Variants in PTPRD observed in about 807,000 individuals in gnomAD.
PTPRD encodes receptor-type tyrosine-protein phosphatase delta.
Under a neutral mutation model 214.5 loss-of-function variants are expected in PTPRD, and 34 were observed. The ratio of observed to expected loss-of-function variants is 0.16; its 90% CI spans 0.12 to 0.21. The LOEUF (loss-of-function observed/expected upper bound fraction) is 0.21. PTPRD is among the 10% of genes least tolerant of loss of function. The pLI is 1.00. For synonymous variants in PTPRD, 1,128 were observed against 845.7 expected, an observed-to-expected ratio of 1.33 and a Z score of -5.79; for missense variants, 2,545 against 2,398.7, an observed-to-expected ratio of 1.06 and a Z score of -1.27.
At chr9:8,696,664 T>TA (rs1377707354) in intron 12 of PTPRD, among the ~76,000 whole-genome samples, 5 of 152,058 alleles carry the variant, frequency 3.3e-5, no homozygotes, top group Admixed American at 6.5e-5. Context: ...TCAAGAGAAT[T>TA]AAAATGTCGT....
chr9:8,865,542 C>T (rs777932915), intron 11 of PTPRD, among the ~76,000 whole-genome samples: 1 of 152,104 alleles, frequency 6.6e-6, no homozygotes, highest in Admixed American at 6.6e-5. Context: ...TTCCCCTGCT[C>T]CTGGGCTCTC....
intron 7 of PTPRD, among the ~76,000 whole-genome samples, chr9:9,590,289 C>A (rs2092587649): frequency 6.6e-6 from 1 of 151,970 alleles, no homozygotes; most frequent in Non-Finnish European, 1.5e-5. Flanking sequence ...TCACAGGCAG[C>A]AATCTTTGCT....
intron 5 of PTPRD, among the ~76,000 whole-genome samples, chr9:9,903,956 A>C (rs1601603264): frequency 6.6e-6 from 1 of 152,148 alleles, no homozygotes; most frequent in East Asian, 1.9e-4. Flanking sequence ...CAGTAATAGT[A>C]ACATTAACCT....
intron 11 of PTPRD, chr9:8,857,604 C>G (rs1219060993): frequency 2.6e-5 from 4 of 153,208 alleles, no homozygotes; most frequent in South Asian, 1.8e-4. Flanking sequence ...GGGAAGACAC[C>G]GCGGGGCGGA....
chr9:8,957,155 G>T (rs1221590354), intron 11 of PTPRD, among the ~76,000 whole-genome samples: 1 of 151,680 alleles, frequency 6.6e-6, no homozygotes, highest in Non-Finnish European at 1.5e-5. Context: ...CTCTCTCCTG[G>T]CTAGGTTTCA....
intron 21 of PTPRD, among the ~76,000 whole-genome samples, chr9:8,509,505 A>G (rs2097628493): frequency 6.6e-6 from 1 of 152,184 alleles, no homozygotes; most frequent in Non-Finnish European, 1.5e-5. Flanking sequence ...ACCAAACCGG[A>G]CTACAGTATG....
At chr9:9,223,398 C>G (rs1414631736) in intron 9 of PTPRD, among the ~76,000 whole-genome samples, 1 of 151,970 alleles carries the variant, frequency 6.6e-6, no homozygotes, top group Non-Finnish European at 1.5e-5. Context: ...ATGAATTCCA[C>G]ACTTTAGAAT....
chr9:10,557,606 C>G (rs190816067), intron 2 of PTPRD, among the ~76,000 whole-genome samples: 1 of 152,252 alleles, frequency 6.6e-6, no homozygotes, highest in African/African-American at 2.4e-5. Flanking sequence ...GCTTCCAAAA[C>G]TTTGAGTATA....
intron 4 of PTPRD, among the ~76,000 whole-genome samples, chr9:9,987,782 T>C (rs1193771179): frequency 6.6e-6 from 1 of 152,182 alleles, no homozygotes; most frequent in Non-Finnish European, 1.5e-5. Context: ...AGCATAGTAA[T>C]GTATGGAATA....
At chr9:10,248,874 T>G (rs2092493932) in intron 3 of PTPRD, among the ~76,000 whole-genome samples, 1 of 93,168 alleles carries the variant, frequency 1.1e-5, no homozygotes, top group South Asian at 3.9e-4. Context: ...AGGTGATATT[T>G]TATCTTTTTT....
chr9:9,621,598 G>A (rs889416349), intron 7 of PTPRD, among the ~76,000 whole-genome samples: 19 of 152,166 alleles, frequency 1.2e-4, no homozygotes, highest in Non-Finnish European at 2.5e-4. Context: ...AAGCCCATGA[G>A]TCATAATCAT....
intron 3 of PTPRD, among the ~76,000 whole-genome samples, chr9:10,215,326 A>G (rs1180139190): frequency 6.6e-6 from 1 of 152,050 alleles, no homozygotes; most frequent in Admixed American, 6.6e-5. Flanking sequence ...TAATTAAATG[A>G]TAAACTGAAT....
At chr9:8,356,256 T>C (rs894771306) in intron 39 of PTPRD, among the ~76,000 whole-genome samples, 1 of 152,068 alleles carries the variant, frequency 6.6e-6, no homozygotes, top group African/African-American at 2.4e-5. Context: ...TCAGATACCA[T>C]GTAATAAGAC....
intron 10 of PTPRD, among the ~76,000 whole-genome samples, chr9:9,029,093 C>T (rs1370310433): frequency 6.6e-6 from 1 of 151,716 alleles, no homozygotes; most frequent in Non-Finnish European, 1.5e-5. Context: ...TCATATTAGT[C>T]ATTATTATCT....
intron 5 of PTPRD, among the ~76,000 whole-genome samples, chr9:9,892,859 T>C (rs890394548): frequency 1.3e-5 from 2 of 152,004 alleles, no homozygotes; most frequent in Non-Finnish European, 2.9e-5. Context: ...GTACTGGTTA[T>C]AGTACATAAG....
intron 9 of PTPRD, among the ~76,000 whole-genome samples, chr9:9,323,801 C>T (rs1006760431): frequency 7.2e-5 from 11 of 152,122 alleles, no homozygotes; most frequent in African/African-American, 2.7e-4. Context: ...ATTAACTCGT[C>T]ATTTACATTA....
chr9:8,472,998 G>A (rs1465936410), intron 30 of PTPRD, among the ~76,000 whole-genome samples: 1 of 152,194 alleles, frequency 6.6e-6, no homozygotes, highest in African/African-American at 2.4e-5. Flanking sequence ...TGTGTGGCAT[G>A]TAGCAGTAAA....
chr9:8,380,957 G>A (rs984199723), intron 37 of PTPRD, among the ~76,000 whole-genome samples: 1 of 152,118 alleles, frequency 6.6e-6, no homozygotes, highest in African/African-American at 2.4e-5. Flanking sequence ...TGGCAACATG[G>A]CAAGGCATCA....
chr9:9,163,931 CTTA>C (rs1313812090), intron 10 of PTPRD, among the ~76,000 whole-genome samples: 2 of 152,128 alleles, frequency 1.3e-5, no homozygotes, highest in African/African-American at 4.8e-5. Flanking sequence ...TCCTTCAAGT[CTTA>C]TGTTACATAT....
Sources: allele counts gnomAD v4.1 joint callset (sites outside exome capture counted in the v4.1 genomes callset), GRCh38; gene constraint gnomAD v4.1.1; transcripts MANE v1.5; gene names NCBI Gene and HGNC (gene_info 2026-07-23, HGNC 2026-07-21).